Variants in ANKS1B observed in about 807,000 individuals in gnomAD.
ANKS1B encodes the protein ankyrin repeat and sterile alpha motif domain-containing protein 1B.
A neutral mutation model predicts 148.3 loss-of-function variants in ANKS1B; 36 were observed. The observed-to-expected ratio is 0.24, with a 90% CI of 0.19 to 0.32. The LOEUF (loss-of-function observed/expected upper bound fraction) is 0.32, where lower values mean the gene tolerates loss of function less well. Among genes scored for constraint, ANKS1B ranks in the 10% least tolerant of loss-of-function variants. The pLI, the probability that ANKS1B is intolerant of heterozygous loss-of-function variation, is 1.00. For synonymous variants in ANKS1B, 542 were observed against 560.8 expected (o/e 0.97, Z 0.47); for missense variants, 1,157 against 1,542.6 (o/e 0.75, Z 4.19).
intron 1 of ANKS1B, among the ~76,000 whole-genome samples, chr12:99,979,515 AG>A (rs1250844612): frequency 6.6e-6 from 1 of 152,120 alleles, no homozygotes; most frequent in African/African-American, 2.4e-5. Flanking sequence ...AAATAACTTC[AG>A]GAGATTACTG....
intron 14 of ANKS1B, among the ~76,000 whole-genome samples, chr12:99,178,281 T>C (rs967706044): frequency 1.3e-5 from 2 of 152,350 alleles, no homozygotes; most frequent in South Asian, 4.1e-4. Flanking sequence ...GGGGTGTCTG[T>C]AGGCCATTTG....
At chr12:99,525,123 T>C (rs2096914306) in intron 9 of ANKS1B, among the ~76,000 whole-genome samples, 1 of 152,096 alleles carries the variant, frequency 6.6e-6, no homozygotes, top group Non-Finnish European at 1.5e-5. Context: ...TTTATGCCAC[T>C]AAATGTGTGG....
intron 16 of ANKS1B, among the ~76,000 whole-genome samples, chr12:99,056,919 A>C (rs2040392215): frequency 6.6e-6 from 1 of 152,306 alleles, no homozygotes; most frequent in South Asian, 2.1e-4. Context: ...AGTCAAAAAC[A>C]AATTTAACTC....
intron 1 of ANKS1B, among the ~76,000 whole-genome samples, chr12:99,967,592 T>C (rs182594348): frequency 9.9e-5 from 15 of 152,208 alleles, no homozygotes; most frequent in Admixed American, 9.2e-4. Flanking sequence ...TTCTGCTTCT[T>C]CTTTCACTAT....
chr12:99,627,982 A>G (rs141623376), intron 9 of ANKS1B, among the ~76,000 whole-genome samples: 2 of 152,278 alleles, frequency 1.3e-5, no homozygotes, highest in South Asian at 4.1e-4. Context: ...TCATTTAAGG[A>G]TGAGGATACA....
At chr12:99,780,973 A>C (rs1242220697) in intron 5 of ANKS1B, among the ~76,000 whole-genome samples, 1 of 152,086 alleles carries the variant, frequency 6.6e-6, no homozygotes, top group Non-Finnish European at 1.5e-5. Flanking sequence ...TTAGTTGTGG[A>C]AATATATATT....
intron 14 of ANKS1B, among the ~76,000 whole-genome samples, chr12:99,195,420 G>C (rs140805726): frequency 1.4e-4 from 21 of 152,148 alleles, no homozygotes; most frequent in African/African-American, 5.1e-4. Context: ...GTTTTTGACT[G>C]GATCAAGCAA....
At chr12:99,688,162 G>A (rs2098660018) in intron 8 of ANKS1B, among the ~76,000 whole-genome samples, 1 of 152,138 alleles carries the variant, frequency 6.6e-6, no homozygotes, top group African/African-American at 2.4e-5. Context: ...GGAGCTCTGA[G>A]AACCGCTGAG....
intron 1 of ANKS1B, among the ~76,000 whole-genome samples, chr12:99,852,189 G>T (rs552803789): frequency 6.6e-6 from 1 of 152,118 alleles, no homozygotes; most frequent in African/African-American, 2.4e-5. Flanking sequence ...TTCACCTTAC[G>T]GGTTTTCTCA....
chr12:99,880,537 A>G (rs1168424845), intron 1 of ANKS1B, among the ~76,000 whole-genome samples: 1 of 152,212 alleles, frequency 6.6e-6, no homozygotes, highest in Admixed American at 6.5e-5. Flanking sequence ...TTTCAAAACG[A>G]CACTGCAAAA....
intron 1 of ANKS1B, among the ~76,000 whole-genome samples, chr12:99,862,833 AG>A (rs1603384145): frequency 6.6e-6 from 1 of 152,200 alleles, no homozygotes; most frequent in East Asian, 1.9e-4. Context: ...AGGGGTGAAA[AG>A]AAGTAAAAGA....
chr12:99,227,315 A>T (rs2086104262), intron 14 of ANKS1B, among the ~76,000 whole-genome samples: 1 of 152,100 alleles, frequency 6.6e-6, no homozygotes, highest in Admixed American at 6.6e-5. Context: ...CTCTACCATG[A>T]TTGTAAGCTT....
intron 9 of ANKS1B, among the ~76,000 whole-genome samples, chr12:99,632,767 A>ATATATATATATATAT (rs1441486862): frequency 4.2e-5 from 3 of 71,314 alleles, no homozygotes; most frequent in Non-Finnish European, 5.8e-5. Flanking sequence ...ATATATATAT[A>ATATATATATATATAT]TTTTAATTAT....
At chr12:99,410,043 A>T (rs544516467) in intron 11 of ANKS1B, among the ~76,000 whole-genome samples, 1 of 152,376 alleles carries the variant, frequency 6.6e-6, no homozygotes, top group East Asian at 1.9e-4. Context: ...GGAGTCAGCA[A>T]ACTACATCTT....
chr12:99,203,937 C>T (rs1243339172), intron 14 of ANKS1B, among the ~76,000 whole-genome samples: 3 of 152,122 alleles, frequency 2.0e-5, no homozygotes, highest in African/African-American at 7.2e-5. Context: ...CCAGTAATAA[C>T]ATGTTAAAAG....
At chr12:98,843,466 C>T (rs2099419964) in intron 17 of ANKS1B, among the ~76,000 whole-genome samples, 1 of 152,220 alleles carries the variant, frequency 6.6e-6, no homozygotes. Context: ...GGTGCTGGCA[C>T]CATGCTTCTT....
intron 1 of ANKS1B, among the ~76,000 whole-genome samples, chr12:99,857,548 C>T (rs895344094): frequency 1.3e-5 from 2 of 151,756 alleles, no homozygotes; most frequent in Admixed American, 1.3e-4. Context: ...CTAAAATTAA[C>T]GTGGAACCAA....
chr12:99,452,411 C>T lies in ANKS1B; in HGVS notation c.1439-8602G>A, dbSNP rs77212019. Among the ~76,000 whole-genome samples, 1,176 of 152,128 alleles carry T rather than the reference C, an allele frequency of 7.7e-3. 14 individuals are homozygous for T. Among genetic ancestry groups the T allele is most frequent in the African/African-American group, 0.027 (1,110 of 41,494 alleles). The stretch of plus-strand genomic sequence containing the variant: ...CTGTGTAATTAAAAACTAAGGTTTT[C>T]AATATAAAGCTAGAAATTTGTCATT... On this transcript the variant is annotated intron_variant, in intron 10 of 26. Coordinates refer to ENST00000683438, the MANE Select transcript of ANKS1B (RefSeq NM_001352186.2).
chr12:99,317,389 A>G (rs1439197511), intron 12 of ANKS1B, among the ~76,000 whole-genome samples: 1 of 152,042 alleles, frequency 6.6e-6, no homozygotes, highest in African/African-American at 2.4e-5. Context: ...TGTTCCTTGT[A>G]AGTTGGATTC....
Sources: allele counts gnomAD v4.1 joint callset (sites outside exome capture counted in the v4.1 genomes callset), GRCh38; gene constraint gnomAD v4.1.1; transcripts MANE v1.5; gene names NCBI Gene and HGNC (gene_info 2026-07-23, HGNC 2026-07-21).